Variants in IGFL2 observed in about 807,000 individuals in gnomAD.
IGFL2 encodes the protein insulin growth factor-like family member 2.
IGFL2 carries 7 observed loss-of-function variants against 13.9 expected under a neutral mutation model. That is an observed-to-expected ratio of 0.51 (90% confidence interval 0.29 to 0.95). The LOEUF (loss-of-function observed/expected upper bound fraction) is 0.95, where lower values mean the gene tolerates loss of function less well. Among genes scored for constraint, IGFL2 ranks in the 40% least tolerant of loss-of-function variants. The pLI is 0.08. For synonymous variants in IGFL2, 55 were observed against 55.8 expected, an observed-to-expected ratio of 0.99 and a Z score of 0.07; for missense variants, 138 against 147.8, an observed-to-expected ratio of 0.93 and a Z score of 0.34.
Position 46,161,269 on chromosome 19 carries a change from T to C in IGFL2, c.*181T>C. The C allele has an allele frequency of 1.7e-6, 1 of 575,512 alleles. No homozygotes were observed. Among genetic ancestry groups the C allele is most frequent in the Non-Finnish European group, 3.1e-6 (1 of 324,442 alleles). 35.7% of individuals were successfully genotyped at this position (575,512 alleles called of 1,614,324 possible). ...TGACAGTAGATTATCAGGAAATAAA[T>C]AAAGTGGTTTTTCCAATGTACACAC... On this transcript the variant is annotated 3_prime_UTR_variant, in exon 4 of 4. Transcript: ENST00000377693.
chr19:46,134,985 T>C, the IGFL2 span, among the ~76,000 whole-genome samples: 1 of 152,190 alleles, frequency 6.6e-6, no homozygotes, highest in Non-Finnish European at 1.5e-5. Context: ...GGAAGCATCA[T>C]TGGGCATCCT....
chr19:46,174,261 C>T, the IGFL2 span, among the ~76,000 whole-genome samples: 1 of 152,180 alleles, frequency 6.6e-6, no homozygotes, highest in Admixed American at 6.5e-5. Context: ...GCTGCTTGTT[C>T]AATATGTGTT....
upstream of IGFL2, among the ~76,000 whole-genome samples, chr19:46,144,670 A>G (rs1473678273): frequency 6.6e-6 from 1 of 152,168 alleles, no homozygotes; most frequent in East Asian, 1.9e-4. Flanking sequence ...CCCTGATTTT[A>G]TTTTATTTAA....
chr19:46,092,943 C>T, the IGFL2 span, among the ~76,000 whole-genome samples: 2 of 151,986 alleles, frequency 1.3e-5, no homozygotes, highest in Admixed American at 1.3e-4. Flanking sequence ...GTAGCCTTAA[C>T]CAGAAAAGTG....
At chr19:46,167,356 A>G in the IGFL2 span, among the ~76,000 whole-genome samples, 1 of 152,184 alleles carries the variant, frequency 6.6e-6, no homozygotes, top group African/African-American at 2.4e-5. Flanking sequence ...TTGCTGCATG[A>G]TACTGGGCAG....
At chr19:46,203,291 AT>A in the IGFL2 span, 1 of 152,218 alleles carries the variant, frequency 6.6e-6, no homozygotes, top group Non-Finnish European at 1.5e-5. Flanking sequence ...ATGGAATGTC[AT>A]CTTTTGTGGT....
chr19:46,084,766 CA>C, the IGFL2 span, among the ~76,000 whole-genome samples: 1 of 152,192 alleles, frequency 6.6e-6, no homozygotes, highest in Non-Finnish European at 1.5e-5. Context: ...CCCCATGATA[CA>C]AGCACTTCCC....
At chr19:46,094,503 C>CTTT in the IGFL2 span, among the ~76,000 whole-genome samples, 7 of 146,764 alleles carry the variant, frequency 4.8e-5, no homozygotes, top group South Asian at 1.5e-3. Context: ...TTTTCTTTTT[C>CTTT]TTTTTTTTTT....
the IGFL2 span, among the ~76,000 whole-genome samples, chr19:46,078,863 T>C: frequency 1.9e-4 from 26 of 134,066 alleles, no homozygotes; most frequent in East Asian, 9.4e-4. Context: ...CGCGCAGGCG[T>C]CGTCAGTAGA....
the IGFL2 span, among the ~76,000 whole-genome samples, chr19:46,201,755 C>T: frequency 6.6e-6 from 1 of 152,038 alleles, no homozygotes; most frequent in South Asian, 2.1e-4. Flanking sequence ...AAGAGGAAGA[C>T]GTGAAGGAGG....
At chr19:46,160,171 C>G in intron 1 of IGFL2, 1 of 535,372 alleles carries the variant, frequency 1.9e-6, no homozygotes, top group Non-Finnish European at 3.4e-6. Context: ...TTCTTAGAAT[C>G]ATAAACGAAG....
chr19:46,121,781 G>T, the IGFL2 span, among the ~76,000 whole-genome samples: 2 of 150,978 alleles, frequency 1.3e-5, no homozygotes, highest in African/African-American at 4.9e-5. Context: ...AGGCAAAACA[G>T]CAAGTGCGGA....
the IGFL2 span, among the ~76,000 whole-genome samples, chr19:46,188,781 C>T: frequency 6.6e-6 from 1 of 152,238 alleles, no homozygotes; most frequent in Non-Finnish European, 1.5e-5. Context: ...ATTTCCTACC[C>T]TTGCCTGACA....
the IGFL2 span, among the ~76,000 whole-genome samples, chr19:46,097,374 A>AT: frequency 1.3e-5 from 2 of 151,932 alleles, no homozygotes; most frequent in African/African-American, 2.4e-5. Context: ...CCTCTTTATC[A>AT]TTTTTTATTG....
At chr19:46,192,374 T>A in the IGFL2 span, among the ~76,000 whole-genome samples, 3 of 152,104 alleles carry the variant, frequency 2.0e-5, no homozygotes, top group Non-Finnish European at 2.9e-5. Flanking sequence ...ATTGCTTTTC[T>A]GAAAATATTT....
downstream of IGFL2, among the ~76,000 whole-genome samples, chr19:46,161,789 T>C (rs1414338087): frequency 6.6e-6 from 1 of 152,238 alleles, no homozygotes; most frequent in Non-Finnish European, 1.5e-5. Flanking sequence ...TCTGTGTCTT[T>C]TAAGTGAGGC....
At chr19:46,130,879 T>A in the IGFL2 span, among the ~76,000 whole-genome samples, 5 of 152,210 alleles carry the variant, frequency 3.3e-5, no homozygotes, top group Non-Finnish European at 4.4e-5. Context: ...CCTTTGTGTT[T>A]GTTTCTCAGT....
the IGFL2 span, among the ~76,000 whole-genome samples, chr19:46,085,214 A>C: frequency 2.0e-5 from 3 of 152,170 alleles, no homozygotes; most frequent in Non-Finnish European, 4.4e-5. Flanking sequence ...CAACAGAGTG[A>C]GACTCCAGCT....
chr19:46,210,714 A>C, the IGFL2 span, among the ~76,000 whole-genome samples: 1 of 152,148 alleles, frequency 6.6e-6, no homozygotes, highest in South Asian at 2.1e-4. Context: ...GACAGTGTCC[A>C]CCCACGTTAA....
Sources: gnomAD v4.1 joint callset for allele counts (sites outside exome capture counted in the v4.1 genomes callset) on GRCh38, gnomAD v4.1.1 for gene constraint, MANE v1.5 for transcripts, NCBI Gene and HGNC (gene_info 2026-07-23, HGNC 2026-07-21) for gene names.